Variants in PRDM16 observed in about 807,000 individuals in gnomAD.
PRDM16 encodes the protein PR/SET domain 16.
A neutral mutation model predicts 110.6 loss-of-function variants in PRDM16; 23 were observed. The observed-to-expected ratio is 0.21, with a 90% CI of 0.15 to 0.29. PRDM16 has a LOEUF of 0.29. Ranked by LOEUF, PRDM16 falls within the 10% of genes least tolerant of loss-of-function variation. The probability of loss-of-function intolerance (pLI) is 1.00; values close to 1 mark genes in which losing one functional copy is unlikely to be tolerated. For synonymous variants in PRDM16, 799 were observed against 781.8 expected, an observed-to-expected ratio of 1.02 and a Z score of -0.37; for missense variants, 1,615 against 1,794.3, an observed-to-expected ratio of 0.90 and a Z score of 1.81.
chr1:3,279,016 G>A lies in PRDM16; in HGVS notation c.438+34879G>A, dbSNP rs1463448692. Among the ~76,000 whole-genome samples, 4 of 152,254 alleles carry A rather than the reference G, an allele frequency of 2.6e-5. No homozygotes were observed. In the East Asian group the frequency reaches 5.8e-4, roughly 22 times the overall value. On this transcript the variant is annotated intron_variant, in intron 3 of 16. Coordinates refer to ENST00000270722, the MANE Select transcript of PRDM16 (RefSeq NM_022114.4). Reference sequence around the variant, plus strand: ...CTCCGTGTCTGTCATCGTCAGCCCTGTCCACCTTTGGGGCAGGGGCAGCTG... The same window carrying A: ...CTCCGTGTCTGTCATCGTCAGCCCTATCCACCTTTGGGGCAGGGGCAGCTG...
intron 5 of PRDM16, among the ~76,000 whole-genome samples, chr1:3,400,069 T>C (rs1643441839): frequency 6.6e-6 from 1 of 152,166 alleles, no homozygotes; most frequent in Non-Finnish European, 1.5e-5. Flanking sequence ...CATCCCTCTA[T>C]CAGAGGCTCA....
intron 3 of PRDM16, among the ~76,000 whole-genome samples, chr1:3,304,434 C>T (rs1641268074): frequency 6.6e-6 from 1 of 152,230 alleles, no homozygotes; most frequent in Non-Finnish European, 1.5e-5. Flanking sequence ...TTTGCAGCCT[C>T]AGACAAATGC....
In PRDM16 at chr1:3,244,150, G is replaced by T. The variant is rs749399829; in HGVS notation, c.438+13G>T. On this transcript the variant is annotated intron_variant, in intron 3 of 16. Coordinates refer to ENST00000270722, the MANE Select transcript of PRDM16 (RefSeq NM_022114.4). This position sits in a 1 kb window ranked among gnomAD's most constrained non-coding sequence, Gnocchi z 4.1. ...CTGCATCACAAAGGTAGGAGAGCTCGCCCTGCGCCGTCTCAGCTCCCCAGC... is the reference window on the plus strand; with the variant it reads ...CTGCATCACAAAGGTAGGAGAGCTCTCCCTGCGCCGTCTCAGCTCCCCAGC... 1.2e-6 allele frequency: 2 copies of T among 1,613,168 alleles called. No homozygotes were observed. The highest frequency in any genetic ancestry group is 2.7e-5 in the African/African-American group (2 of 74,930).
At position 3,358,414 on chromosome 1, in the gene PRDM16, G is replaced by A. The variant is rs1642651512; in HGVS notation, c.439-26738G>A. On this transcript the variant is annotated intron_variant, in intron 3 of 16. Transcript: ENST00000270722. This position sits in a 1 kb window ranked among gnomAD's most constrained non-coding sequence, Gnocchi z 4.0. Reference sequence around the variant, plus strand: ...TGGGGACTGATGGCAAAAGACCTCGGCGGGTACAGAAAATCTCCCACAGTG... The same window carrying A: ...TGGGGACTGATGGCAAAAGACCTCGACGGGTACAGAAAATCTCCCACAGTG... 6.6e-6 allele frequency among the ~76,000 whole-genome samples: 1 copy of A among 152,170 alleles called. No individual in the cohort carries two copies. The highest frequency in any genetic ancestry group is 2.1e-4 in the South Asian group (1 of 4,826).
intron 3 of PRDM16, among the ~76,000 whole-genome samples, chr1:3,364,916 G>A (rs1415153466): frequency 2.0e-5 from 3 of 152,218 alleles, no homozygotes; most frequent in Non-Finnish European, 4.4e-5. Flanking sequence ...TCTGCACGCT[G>A]CCAGGGCTGT....
intron 1 of PRDM16, among the ~76,000 whole-genome samples, chr1:3,130,796 T>TG (rs1491096765): frequency 1.1e-5 from 1 of 94,906 alleles, no homozygotes; most frequent in African/African-American, 9.1e-5. Flanking sequence ...GTGGGGGGGC[T>TG]GTTTTTTTTT....
At chr1:3,072,124 A>G in intron 1 of PRDM16, among the ~76,000 whole-genome samples, 1 of 152,154 alleles carries the variant, frequency 6.6e-6, no homozygotes, top group Non-Finnish European at 1.5e-5. Flanking sequence ...CAGTTCAGGG[A>G]CAGGGTCCCC....
chr1:3,367,227 C>G (rs1226346304), intron 3 of PRDM16, among the ~76,000 whole-genome samples: 1 of 152,056 alleles, frequency 6.6e-6, no homozygotes, highest in Non-Finnish European at 1.5e-5. Context: ...CGAGATGGCA[C>G]CATTGCACTC....
At chr1:3,242,664 G>C (rs759610120) in intron 2 of PRDM16, among the ~76,000 whole-genome samples, 1 of 152,240 alleles carries the variant, frequency 6.6e-6, no homozygotes, top group Non-Finnish European at 1.5e-5. Context: ...CCCGGAAGGC[G>C]ATGGGGCTGG....
At chr1:3,100,653 A>G (rs910334604) in intron 1 of PRDM16, among the ~76,000 whole-genome samples, 10 of 152,080 alleles carry the variant, frequency 6.6e-5, no homozygotes, top group Admixed American at 2.0e-4. Flanking sequence ...GGAGCCCCCC[A>G]TGTAACCCGT....
At chr1:3,171,588 T>C (rs1644026039) in intron 1 of PRDM16, among the ~76,000 whole-genome samples, 1 of 152,156 alleles carries the variant, frequency 6.6e-6, no homozygotes, top group Non-Finnish European at 1.5e-5. Flanking sequence ...GAAACACAGC[T>C]GTGTGTATTG....
intron 1 of PRDM16, among the ~76,000 whole-genome samples, chr1:3,183,580 G>A (rs570891788): frequency 2.0e-5 from 3 of 152,206 alleles, no homozygotes; most frequent in Non-Finnish European, 4.4e-5. Context: ...CCCCGTGACC[G>A]CCGGGGAAGG....
At chr1:3,249,892 C>T (rs957807615) in intron 3 of PRDM16, among the ~76,000 whole-genome samples, 2 of 152,222 alleles carry the variant, frequency 1.3e-5, no homozygotes, top group South Asian at 2.1e-4. Flanking sequence ...AGGTCAGCTA[C>T]GGTTGCCATG....
rs534230111 is a variant in PRDM16, at chr1:3,277,605, C to G, written c.438+33468C>G. Among the ~76,000 whole-genome samples, 122 of 152,346 alleles carry G rather than the reference C, an allele frequency of 8.0e-4. 1 individual carries two copies. Among genetic ancestry groups the G allele is most frequent in the South Asian group, 2.9e-3 (14 of 4,826 alleles). On this transcript the variant is annotated intron_variant, in intron 3 of 16. Transcript: ENST00000270722. The stretch of plus-strand genomic sequence containing the variant: ...AAGCCCCTGGGACGTTGTCCAGGGA[C>G]AGGGTCAGTGAAAATGTCTCAAAGG...
chr1:3,271,693 A>G (rs560088430), intron 3 of PRDM16, among the ~76,000 whole-genome samples: 14 of 152,190 alleles, frequency 9.2e-5, no homozygotes, highest in African/African-American at 3.1e-4. Flanking sequence ...CTGCCTGGTG[A>G]TGTCAGCTGG....
chr1:3,107,704 C>T (rs564168787), intron 1 of PRDM16, among the ~76,000 whole-genome samples: 26 of 152,334 alleles, frequency 1.7e-4, no homozygotes, highest in African/African-American at 2.6e-4. Flanking sequence ...ACCAGTGACT[C>T]GAAACCACCT....
chr1:3,274,694 G>A (rs1389621741), intron 3 of PRDM16, among the ~76,000 whole-genome samples: 1 of 152,238 alleles, frequency 6.6e-6, no homozygotes, highest in African/African-American at 2.4e-5. Flanking sequence ...GATTATTACA[G>A]ACTCTGTCTG....
chr1:3,377,166 A>G (rs534807934), intron 3 of PRDM16, among the ~76,000 whole-genome samples: 2 of 152,318 alleles, frequency 1.3e-5, no homozygotes, highest in South Asian at 4.1e-4. Context: ...GGGTCAGGGT[A>G]AGGAGACCCT....
chr1:3,105,317 C>T (rs903171841), intron 1 of PRDM16, among the ~76,000 whole-genome samples: 1 of 152,246 alleles, frequency 6.6e-6, no homozygotes, highest in Admixed American at 6.5e-5. Flanking sequence ...CCTCCAGGCA[C>T]CTGGCCCAGA....
Sources: gnomAD v4.1 joint callset for allele counts (sites outside exome capture counted in the v4.1 genomes callset) on GRCh38, gnomAD v4.1.1 for gene constraint, Gnocchi (gnomAD v3.1) non-coding constraint, MANE v1.5 for transcripts, NCBI Gene and HGNC (gene_info 2026-07-23, HGNC 2026-07-21) for gene names.